Variants in CACNA1A observed in about 807,000 individuals in gnomAD.
CACNA1A encodes voltage-dependent P/Q-type calcium channel subunit alpha-1A.
A neutral mutation model predicts 262.4 loss-of-function variants in CACNA1A; 57 were observed. The ratio of observed to expected loss-of-function variants is 0.22; its 90% confidence interval spans 0.18 to 0.27. The LOEUF (loss-of-function observed/expected upper bound fraction) is 0.27. Among genes scored for constraint, CACNA1A ranks in the 10% least tolerant of loss-of-function variants. The pLI, the probability that CACNA1A is intolerant of heterozygous loss-of-function variation, is 1.00. For synonymous variants in CACNA1A, 1,431 were observed against 1,419.3 expected (o/e 1.01, Z -0.18); for missense variants, 2,526 against 3,562.8 (o/e 0.71, Z 7.41).
At chr19:13,354,115 G>A (rs1417409791) in intron 6 of CACNA1A, among the ~76,000 whole-genome samples, 1 of 152,144 alleles carries the variant, frequency 6.6e-6, no homozygotes, top group Non-Finnish European at 1.5e-5. Flanking sequence ...AATGATTACT[G>A]GATAACTGAA....
chr19:13,208,883 T>TGGTGGG lies in CACNA1A; in HGVS notation c.6652_6653insCCCACC (p.His2217_His2218insProHis). The TGGTGGG allele has an allele frequency of 8.3e-7, 1 of 1,210,782 alleles. No homozygotes were observed. 75.0% of individuals were successfully genotyped at this position (1,210,782 alleles called of 1,614,324 possible). Reference sequence around the variant, plus strand: ...GTCCTTGTCGGGGGGCGGGGGATGGTGGTGGTGGTGGTGGTGGTGGTGGTG... The same window carrying TGGTGGG: ...GTCCTTGTCGGGGGGCGGGGGATGGTGGTGGGGGTGGTGGTGGTGGTGGTGGTGGTG... On this transcript the variant is annotated inframe_insertion, in exon 46 of 47. Transcript: ENST00000360228.
At chr19:13,410,697 C>A (rs2060095355) in intron 3 of CACNA1A, among the ~76,000 whole-genome samples, 1 of 152,092 alleles carries the variant, frequency 6.6e-6, no homozygotes, top group Non-Finnish European at 1.5e-5. Flanking sequence ...ACCTCTTCAC[C>A]TAAGCAGCTC....
At chr19:13,365,719 G>A (rs1250524272) in intron 4 of CACNA1A, 3 of 373,452 alleles carry the variant, frequency 8.0e-6, no homozygotes, top group East Asian at 9.1e-5. Flanking sequence ...CCAGGCTGGA[G>A]TGCAGTGGCA....
chr19:13,235,798 C>T lies in CACNA1A; in HGVS notation c.4951-68G>A. 2.7e-6 allele frequency: 3 copies of T among 1,100,154 alleles called. No homozygotes were observed. The South Asian group carries it at 3.9e-5, about 14-fold the overall frequency. The allele number at this position is 1,100,154 out of a possible 1,614,324, so 68.1% of individuals were successfully genotyped here. ...AAAGGCTCAGAGCTGTCACCACTCA[C>T]AGAGGCCCCTACATGAAGCCAACCA... On this transcript the variant is annotated intron_variant, in intron 31 of 46. Coordinates refer to ENST00000360228, the MANE Select transcript of CACNA1A (RefSeq NM_001127222.2).
rs148092112 is a variant in CACNA1A, at chr19:13,409,156, C to T, written c.540-37377G>A. ...GACAGGTCCATTGATACAATCTTGA[C>T]GCTTTGGAACTTTGCTTTCCCGAAT... On this transcript the variant is annotated intron_variant, in intron 3 of 46. Transcript: ENST00000360228. 1.1e-3 allele frequency among the ~76,000 whole-genome samples: 174 copies of T among 152,150 alleles called. 1 individual carries two copies. The highest frequency in any genetic ancestry group is 3.8e-3 in the African/African-American group (156 of 41,492).
chr19:13,247,502 G>C (rs998182610), intron 30 of CACNA1A, among the ~76,000 whole-genome samples: 5 of 152,072 alleles, frequency 3.3e-5, no homozygotes, highest in Admixed American at 3.3e-4. Flanking sequence ...GACCATCCTG[G>C]ATAACATGGT....
At chr19:13,493,476 C>G (rs1430148402) in intron 1 of CACNA1A, among the ~76,000 whole-genome samples, 1 of 152,242 alleles carries the variant, frequency 6.6e-6, no homozygotes, top group Non-Finnish European at 1.5e-5. Flanking sequence ...CCAGACATTG[C>G]CAAAAGTCCC....
chr19:13,341,281 C>G (rs536312163), intron 6 of CACNA1A, among the ~76,000 whole-genome samples: 46 of 151,950 alleles, frequency 3.0e-4, no homozygotes, highest in Non-Finnish European at 5.4e-4. Flanking sequence ...CAGACCAAGT[C>G]TCAGGAGGCA....
At chr19:13,496,308 G>T (rs749099677) in intron 1 of CACNA1A, among the ~76,000 whole-genome samples, 1 of 152,182 alleles carries the variant, frequency 6.6e-6, no homozygotes, top group Non-Finnish European at 1.5e-5. Flanking sequence ...GTCCTTGTAA[G>T]GCCCTCAGAG....
At chr19:13,252,220 G>A (rs996867022) in intron 30 of CACNA1A, among the ~76,000 whole-genome samples, 2 of 151,476 alleles carry the variant, frequency 1.3e-5, no homozygotes. Flanking sequence ...GAGTTACCAT[G>A]CCTGGCTAAT....
At chr19:13,294,860 C>T (rs1051288496) in intron 19 of CACNA1A, among the ~76,000 whole-genome samples, 2 of 152,076 alleles carry the variant, frequency 1.3e-5, no homozygotes, top group Non-Finnish European at 2.9e-5. Flanking sequence ...CCTAAACTCC[C>T]GTTTTGATCT....
Position 13,452,878 on chromosome 19 carries a change from C to T in CACNA1A, c.537G>A (p.Thr179=), listed in dbSNP as rs767642119. 8.1e-6 allele frequency: 13 copies of T among 1,613,718 alleles called. No homozygotes were observed. Among genetic ancestry groups the T allele is most frequent in the East Asian group, 2.2e-5 (1 of 44,880 alleles). Residue 179 remains threonine, a splice_region_variant and synonymous_variant, in exon 3 of 47, where the codon ACG becomes ACA. Coordinates refer to ENST00000360228, the MANE Select transcript of CACNA1A (RefSeq NM_001127222.2). ...AGCGTATAGCACGCGCCACTTACCC[C>T]GTTAGCACCACCACAAAGTCCATGA... is the stretch of plus-strand genomic sequence containing the variant. ...WNVMDFVVVL[T]GILATVGTEF...
intron 1 of CACNA1A, among the ~76,000 whole-genome samples, chr19:13,483,564 T>G (rs1427112013): frequency 6.6e-6 from 1 of 152,130 alleles, no homozygotes; most frequent in Non-Finnish European, 1.5e-5. Context: ...AAGCATTTGC[T>G]GAAAATTCCG....
At chr19:13,473,519 A>G (rs1052355192) in intron 1 of CACNA1A, among the ~76,000 whole-genome samples, 8 of 152,244 alleles carry the variant, frequency 5.3e-5, no homozygotes, top group Non-Finnish European at 1.5e-5. Context: ...TTTAAGCCAT[A>G]TAGTTCATGG....
chr19:13,211,136 C>T (rs570221857), intron 43 of CACNA1A: 5 of 170,994 alleles, frequency 2.9e-5, no homozygotes, highest in South Asian at 2.6e-4. Context: ...CCCCAACCCA[C>T]GTTCCCAGCA....
intron 15 of CACNA1A, among the ~76,000 whole-genome samples, chr19:13,306,143 C>T (rs933765229): frequency 6.6e-6 from 1 of 151,856 alleles, no homozygotes; most frequent in Admixed American, 6.6e-5. Context: ...GTCTTGGGGT[C>T]TCATTTAGAA....
intron 19 of CACNA1A, among the ~76,000 whole-genome samples, chr19:13,294,297 A>G (rs1465935892): frequency 1.3e-5 from 2 of 151,926 alleles, no homozygotes; most frequent in Non-Finnish European, 2.9e-5. Flanking sequence ...TGTGAGGAGC[A>G]CTAGAAAGTC....
rs2059299671 is a variant in CACNA1A, at chr19:13,370,320, C to T, written c.631+1368G>A. On this transcript the variant is annotated intron_variant, in intron 4 of 46. Transcript: ENST00000360228. ...TTCCCCATTTTGGCCAGGCAGGTCT[C>T]GAACTCCTGACCTCAGGTGATCCAC... Among the ~76,000 whole-genome samples, 2 of 152,048 alleles carry T rather than the reference C, an allele frequency of 1.3e-5. 1 individual carries two copies. Among genetic ancestry groups the T allele is most frequent in the South Asian group, 4.1e-4 (2 of 4,824 alleles).
At chr19:13,464,292 G>A (rs1051170765) in intron 1 of CACNA1A, among the ~76,000 whole-genome samples, 6 of 152,086 alleles carry the variant, frequency 3.9e-5, no homozygotes, top group Non-Finnish European at 5.9e-5. Flanking sequence ...CTAGCTACTC[G>A]AGAGACTGAG....
Sources: gnomAD v4.1 joint callset for allele counts (sites outside exome capture counted in the v4.1 genomes callset) on GRCh38, gnomAD v4.1.1 for gene constraint, MANE v1.5 for transcripts, NCBI Gene and HGNC (gene_info 2026-07-23, HGNC 2026-07-21) for gene names.